The following ITGA1 variants were observed in gnomAD, a reference collection of about 807,000 sequenced individuals.
The protein encoded by ITGA1 is integrin subunit alpha 1.
Under a neutral mutation model 145.9 loss-of-function variants are expected in ITGA1, and 85 were observed. That is an observed-to-expected ratio of 0.58 (90% CI 0.49 to 0.70). The LOEUF (loss-of-function observed/expected upper bound fraction) is 0.70. Ranked by LOEUF, ITGA1 falls within the 30% of genes least tolerant of loss-of-function variation. The pLI is 0.00. For missense variants in ITGA1, 1,351 were observed against 1,418.7 expected (o/e 0.95, Z 0.77); for synonymous variants, 520 against 495.3 (o/e 1.05, Z -0.66).
chr5:52,790,935 T>C (rs1158779523), intron 1 of ITGA1, among the ~76,000 whole-genome samples: 2 of 152,208 alleles, frequency 1.3e-5, no homozygotes, highest in African/African-American at 4.8e-5. Context: ...GACCTTGTTT[T>C]ATACATCGAG....
chr5:52,900,387 G>A lies in ITGA1; in HGVS notation c.1309+2004G>A, dbSNP rs188039960. Reference sequence around the variant, plus strand: ...GTTTACAGAGCTATAAAAAATGTTCGTACCACATTTATACAGAAATTTCAC... The same window carrying A: ...GTTTACAGAGCTATAAAAAATGTTCATACCACATTTATACAGAAATTTCAC... On this transcript the variant is annotated intron_variant, in intron 11 of 28. Coordinates refer to ENST00000282588, the MANE Select transcript of ITGA1 (RefSeq NM_181501.2). Among the ~76,000 whole-genome samples the A allele has an allele frequency of 2.0e-3, 310 of 152,036 alleles. 2 individuals are homozygous for A. The highest frequency in any genetic ancestry group is 7.1e-3 in the African/African-American group (294 of 41,472).
intron 1 of ITGA1, among the ~76,000 whole-genome samples, chr5:52,832,465 C>G (rs1749086477): frequency 6.6e-6 from 1 of 152,102 alleles, no homozygotes; most frequent in Non-Finnish European, 1.5e-5. Flanking sequence ...ATGGAAGGGT[C>G]AAATTAAATA....
chr5:52,935,694 G>A (rs902323929), intron 23 of ITGA1, among the ~76,000 whole-genome samples: 3 of 152,138 alleles, frequency 2.0e-5, no homozygotes, highest in Non-Finnish European at 4.4e-5. Flanking sequence ...TGGTTGTTAT[G>A]AACAGTCATA....
chr5:52,895,988 C>T (rs1165560080), intron 9 of ITGA1, among the ~76,000 whole-genome samples: 1 of 152,160 alleles, frequency 6.6e-6, no homozygotes, highest in African/African-American at 2.4e-5. Context: ...TTGCCAAGGA[C>T]AGTGCCATCT....
chr5:52,901,424 G>A (rs1204964132), intron 11 of ITGA1, among the ~76,000 whole-genome samples: 1 of 152,194 alleles, frequency 6.6e-6, no homozygotes, highest in Non-Finnish European at 1.5e-5. Flanking sequence ...ATTTGTTACA[G>A]CAGCAGTAGA....
At chr5:52,825,329 T>C (rs1185464790) in intron 1 of ITGA1, 1 of 152,248 alleles carries the variant, frequency 6.6e-6, no homozygotes, top group Non-Finnish European at 1.5e-5. Context: ...GCTTCATAGA[T>C]ACTGCGTTTT....
intron 1 of ITGA1, among the ~76,000 whole-genome samples, chr5:52,818,536 C>A (rs957282021): frequency 1.3e-5 from 2 of 152,134 alleles, no homozygotes; most frequent in African/African-American, 4.8e-5. Flanking sequence ...TTAGGCTTAG[C>A]CCTCAGTGGT....
intron 1 of ITGA1, among the ~76,000 whole-genome samples, chr5:52,844,811 G>A (rs547069863): frequency 1.0e-3 from 155 of 152,050 alleles, no homozygotes; most frequent in Middle Eastern, 3.4e-3. Context: ...GTGGAGGCTC[G>A]GTTGTGAATA....
chr5:52,811,186 A>C (rs895779538), intron 1 of ITGA1, among the ~76,000 whole-genome samples: 4 of 152,236 alleles, frequency 2.6e-5, no homozygotes, highest in African/African-American at 9.6e-5. Flanking sequence ...GGAAGAAATC[A>C]TCCATGTCAT....
chr5:52,794,822 T>C (rs929105759), intron 1 of ITGA1, among the ~76,000 whole-genome samples: 6 of 151,996 alleles, frequency 3.9e-5, no homozygotes, highest in Non-Finnish European at 8.8e-5. Context: ...AACAATTGCG[T>C]TTATCACTAG....
At chr5:52,849,261 T>G (rs1749388235) in intron 1 of ITGA1, 104 bp from the exon 2 acceptor site, 1 of 967,452 alleles carries the variant, frequency 1.0e-6, no homozygotes, top group Non-Finnish European at 1.5e-6. Flanking sequence ...TTTTTTTTAA[T>G]AGAAACAGCT....
chr5:52,927,556 T>G (rs951952817), intron 19 of ITGA1, 28 bp from the exon 20 acceptor site: 18 of 1,517,118 alleles, frequency 1.2e-5, no homozygotes, highest in African/African-American at 1.4e-5. Flanking sequence ...GCTTGTCCAC[T>G]CTGATTCTGT....
intron 1 of ITGA1, chr5:52,800,815 G>A (rs1748461482): frequency 1.2e-6 from 2 of 1,611,354 alleles, no homozygotes; most frequent in Admixed American, 1.7e-5. Flanking sequence ...GGCGGCTGTG[G>A]TCATGCAGGA....
At chr5:52,810,317 G>A (rs1329635333) in intron 1 of ITGA1, among the ~76,000 whole-genome samples, 1 of 152,186 alleles carries the variant, frequency 6.6e-6, no homozygotes, top group East Asian at 1.9e-4. Flanking sequence ...GAAGGCCCTG[G>A]GGCTGGACAC....
chr5:52,913,046 G>C (rs1214481620), intron 14 of ITGA1, among the ~76,000 whole-genome samples: 1 of 151,560 alleles, frequency 6.6e-6, no homozygotes, highest in African/African-American at 2.4e-5. Flanking sequence ...GTGCCTGGCC[G>C]TAATTACTTT....
At chr5:52,881,121 T>C (rs1377760363) in intron 6 of ITGA1, among the ~76,000 whole-genome samples, 1 of 151,994 alleles carries the variant, frequency 6.6e-6, no homozygotes, top group East Asian at 1.9e-4. Flanking sequence ...GGAAAGAAGG[T>C]GGAGTTGGGA....
intron 1 of ITGA1, among the ~76,000 whole-genome samples, chr5:52,831,232 A>T (rs1749064714): frequency 6.6e-6 from 1 of 152,060 alleles, no homozygotes; most frequent in Admixed American, 6.6e-5. Context: ...TCCTGGGTTC[A>T]AGCGATTCTC....
intron 6 of ITGA1, among the ~76,000 whole-genome samples, chr5:52,873,978 C>T (rs1292122520): frequency 6.6e-6 from 1 of 151,658 alleles, no homozygotes; most frequent in African/African-American, 2.4e-5. Flanking sequence ...TAGATAACTC[C>T]ATTCCTTCAT....
intron 14 of ITGA1, among the ~76,000 whole-genome samples, chr5:52,911,626 T>C (rs1186939081): frequency 4.5e-5 from 4 of 88,286 alleles, no homozygotes; most frequent in Admixed American, 4.0e-4. Flanking sequence ...GTATCTACTA[T>C]ATATACTATA....
Sources: gnomAD v4.1 joint callset for allele counts (sites outside exome capture counted in the v4.1 genomes callset) on GRCh38, gnomAD v4.1.1 for gene constraint, MANE v1.5 for transcripts, NCBI Gene and HGNC (gene_info 2026-07-23, HGNC 2026-07-21) for gene names.